The following RCAN2 variants were observed in gnomAD, a reference collection of about 807,000 sequenced individuals.
The protein encoded by RCAN2 is calcipressin-2.
RCAN2 carries 9 observed loss-of-function variants against 23.6 expected under a neutral mutation model. That is an observed-to-expected ratio of 0.38 (90% confidence interval 0.23 to 0.67). The LOEUF (loss-of-function observed/expected upper bound fraction) is 0.67. Among genes scored for constraint, RCAN2 ranks in the 30% least tolerant of loss-of-function variants. The probability of loss-of-function intolerance (pLI) is 0.51; values close to 1 mark genes in which losing one functional copy is unlikely to be tolerated. For missense variants in RCAN2, 273 were observed against 302.3 expected (o/e 0.90, Z 0.72); for synonymous variants, 109 against 115.7 (o/e 0.94, Z 0.37).
At chr6:46,259,493 C>T (rs1767039376) in intron 2 of RCAN2, among the ~76,000 whole-genome samples, 1 of 152,184 alleles carries the variant, frequency 6.6e-6, no homozygotes, top group South Asian at 2.1e-4. Flanking sequence ...GTTTCTATCA[C>T]TGTACTGTAC....
chr6:46,488,608 G>T (rs1469403338), intron 1 of RCAN2, among the ~76,000 whole-genome samples: 2 of 152,184 alleles, frequency 1.3e-5, no homozygotes, highest in African/African-American at 2.4e-5. Flanking sequence ...CACCAGAAAT[G>T]AAGAAATTAC....
In RCAN2 at chr6:46,223,228, T is replaced by C; in HGVS notation, c.645A>G (p.Ile215Met). 6.2e-7 allele frequency: 1 copy of C among 1,614,018 alleles called. No homozygotes were observed. Among genetic ancestry groups the C allele is most frequent in the South Asian group, 1.1e-5 (1 of 91,060 alleles). ...SVVVHVCDSD[I>M]EEEEDPKTSP... ...AAGTCTTTGGGTCCTCTTCTTCCTCTATGTCACTGTCGCACACGTGCACGA... is the reference window on the plus strand; with the variant it reads ...AAGTCTTTGGGTCCTCTTCTTCCTCCATGTCACTGTCGCACACGTGCACGA... Residue 215 changes from isoleucine to methionine, a missense_variant, in exon 5 of 5, where the codon ATA becomes ATG. Physicochemically the swap from Ile to Met is conservative, Grantham distance 10. Coordinates refer to ENST00000371374, the MANE Select transcript of RCAN2 (RefSeq NM_001251974.2).
chr6:46,453,471 A>G (rs538106688), intron 2 of RCAN2, among the ~76,000 whole-genome samples: 1 of 152,328 alleles, frequency 6.6e-6, no homozygotes, highest in African/African-American at 2.4e-5. Flanking sequence ...GAAAATTGGA[A>G]TGAACATTAC....
At chr6:46,479,676 G>A (rs958864950) in intron 1 of RCAN2, among the ~76,000 whole-genome samples, 2 of 147,360 alleles carry the variant, frequency 1.4e-5, no homozygotes, top group Admixed American at 6.9e-5. Context: ...TCTGCCTCCC[G>A]GGTTCAAGCA....
At chr6:46,439,583 A>G (rs1159166233) in intron 2 of RCAN2, among the ~76,000 whole-genome samples, 2 of 152,170 alleles carry the variant, frequency 1.3e-5, no homozygotes, top group Non-Finnish European at 2.9e-5. Flanking sequence ...GTGGTGCCTA[A>G]AGAGGAATCA....
intron 1 of RCAN2, among the ~76,000 whole-genome samples, chr6:46,464,023 G>A (rs993324308): frequency 4.6e-5 from 7 of 152,088 alleles, no homozygotes; most frequent in Admixed American, 4.6e-4. Flanking sequence ...AATGATTAAT[G>A]AATAATTCAT....
At chr6:46,381,584 C>G (rs1409705231) in intron 2 of RCAN2, among the ~76,000 whole-genome samples, 1 of 152,170 alleles carries the variant, frequency 6.6e-6, no homozygotes, top group Admixed American at 6.5e-5. Context: ...CTCGTTCCCC[C>G]AGACAAAGAG....
chr6:46,325,767 G>T, intron 2 of RCAN2: 1 of 1,167,392 alleles, frequency 8.6e-7, no homozygotes, highest in Admixed American at 4.3e-5. Context: ...TCTCTAGGCA[G>T]TGCAGTGGAG....
chr6:46,468,757 A>G, intron 1 of RCAN2: 1 of 950,558 alleles, frequency 1.1e-6, no homozygotes, highest in Non-Finnish European at 1.3e-6. Context: ...CTCTCTCCCC[A>G]CTCTTTCTCT....
intron 2 of RCAN2, among the ~76,000 whole-genome samples, chr6:46,286,026 A>G (rs1762362731): frequency 6.6e-6 from 1 of 152,248 alleles, no homozygotes. Flanking sequence ...GAATATTATT[A>G]ATATGTAGCA....
intron 2 of RCAN2, among the ~76,000 whole-genome samples, chr6:46,346,963 C>T (rs558147318): frequency 3.3e-5 from 5 of 152,162 alleles, no homozygotes; most frequent in African/African-American, 1.2e-4. Context: ...GCAAGCTCCG[C>T]CTCCCAGGTT....
At chr6:46,454,587 C>T (rs1189586151) in intron 2 of RCAN2, among the ~76,000 whole-genome samples, 1 of 152,128 alleles carries the variant, frequency 6.6e-6, no homozygotes, top group Admixed American at 6.5e-5. Context: ...ATTTAATAAA[C>T]TGAATTACAT....
At chr6:46,274,966 T>C (rs541238352) in intron 2 of RCAN2, among the ~76,000 whole-genome samples, 51 of 152,332 alleles carry the variant, frequency 3.3e-4, no homozygotes, top group Admixed American at 1.2e-3. Flanking sequence ...GAGGAATATA[T>C]GCAGATGACT....
chr6:46,433,352 C>T (rs775948240), intron 2 of RCAN2, among the ~76,000 whole-genome samples: 1 of 152,144 alleles, frequency 6.6e-6, no homozygotes, highest in Non-Finnish European at 1.5e-5. Flanking sequence ...CGAGTCCCAC[C>T]AAGGATATCC....
At chr6:46,317,612 T>C (rs1763480706) in intron 2 of RCAN2, among the ~76,000 whole-genome samples, 1 of 152,096 alleles carries the variant, frequency 6.6e-6, no homozygotes, top group South Asian at 2.1e-4. Flanking sequence ...CAGGCGCCTG[T>C]CACCATGCCC....
At chr6:46,411,893 G>A (rs1766561708) in intron 2 of RCAN2, among the ~76,000 whole-genome samples, 2 of 152,168 alleles carry the variant, frequency 1.3e-5, no homozygotes, top group Non-Finnish European at 2.9e-5. Context: ...TCAGAGTACA[G>A]TTTGAATTTT....
chr6:46,460,073 T>C (rs1359130252), intron 1 of RCAN2, among the ~76,000 whole-genome samples: 3 of 151,974 alleles, frequency 2.0e-5, no homozygotes, highest in Admixed American at 1.3e-4. Flanking sequence ...TTTTCCACTT[T>C]TTCAGAGAGG....
At chr6:46,257,695 C>T (rs377506192) in intron 2 of RCAN2, among the ~76,000 whole-genome samples, 5 of 152,256 alleles carry the variant, frequency 3.3e-5, no homozygotes, top group Admixed American at 1.3e-4. Flanking sequence ...CCTCCCTCGA[C>T]ATGTAGGGAT....
At chr6:46,445,359 C>T (rs1209101775) in intron 2 of RCAN2, among the ~76,000 whole-genome samples, 2 of 152,170 alleles carry the variant, frequency 1.3e-5, no homozygotes, top group Non-Finnish European at 2.9e-5. Context: ...GGATAGCCTG[C>T]CCAAGGACTC....
Sources: gnomAD v4.1 joint callset for allele counts (sites outside exome capture counted in the v4.1 genomes callset) on GRCh38, gnomAD v4.1.1 for gene constraint, MANE v1.5 for transcripts, NCBI Gene and HGNC (gene_info 2026-07-23, HGNC 2026-07-21) for gene names.